C1orf21: variants seen among roughly 807,000 people sequenced by gnomAD.
C1orf21 encodes the protein chromosome 1 open reading frame 21.
C1orf21 carries 3 observed loss-of-function variants against 18.7 expected under a neutral mutation model. The ratio of observed to expected loss-of-function variants is 0.16; its 90% CI spans 0.07 to 0.42. The LOEUF (loss-of-function observed/expected upper bound fraction) is 0.42. C1orf21 is among the 10% of genes least tolerant of loss of function. C1orf21 has a pLI of 0.99. For synonymous variants in C1orf21, 41 were observed against 46.4 expected, an observed-to-expected ratio of 0.88 and a Z score of 0.47; for missense variants, 104 against 143.6, an observed-to-expected ratio of 0.72 and a Z score of 1.41.
intron 5 of C1orf21, among the ~76,000 whole-genome samples, chr1:184,616,172 AC>A (rs1466819289): frequency 1.3e-5 from 2 of 152,178 alleles, no homozygotes; most frequent in African/African-American, 2.4e-5. Flanking sequence ...GCCATATCTT[AC>A]TTTCAATGTG....
At chr1:184,480,086 C>G (rs942631481) in intron 2 of C1orf21, among the ~76,000 whole-genome samples, 21 of 152,042 alleles carry the variant, frequency 1.4e-4, no homozygotes, top group African/African-American at 5.1e-4. Context: ...GCCAAATGCC[C>G]GAAGAGGAAA....
At chr1:184,498,553 G>A (rs1319376677) in intron 2 of C1orf21, among the ~76,000 whole-genome samples, 1 of 152,142 alleles carries the variant, frequency 6.6e-6, no homozygotes, top group Non-Finnish European at 1.5e-5. Context: ...AACTACAGAT[G>A]AGTCAGCAGA....
At chr1:184,599,991 A>G (rs920564056) in intron 5 of C1orf21, among the ~76,000 whole-genome samples, 10 of 152,218 alleles carry the variant, frequency 6.6e-5, no homozygotes, top group Admixed American at 1.3e-4. Flanking sequence ...CACTGAAACG[A>G]TGAAGATCTT....
rs1304665904 is a variant in C1orf21 at position 184,410,627 on chromosome 1, ATATATATATATATATATATAT to A, written c.-125+23260_-125+23280del. On this transcript the variant is annotated intron_variant, in intron 1 of 5. Transcript: ENST00000235307. Reference sequence around the variant, plus strand: ...AATTTGCCATATATATTATATATATATATATATATATATATATATATATATATATATATATATTTTTTTTTT... The same window carrying A: ...AATTTGCCATATATATTATATATATAATATATATATATATATTTTTTTTTT... Among the ~76,000 whole-genome samples the A allele has an allele frequency of 8.1e-3, 26 of 3,196 alleles. 4 individuals carry two copies. Among genetic ancestry groups the A allele is most frequent in the Middle Eastern group, 0.17 (1 of 6 alleles). The allele number at this position is 3,196 out of a possible 152,430, so 2.1% of individuals were successfully genotyped here.
intron 3 of C1orf21, among the ~76,000 whole-genome samples, chr1:184,511,151 A>G (rs1884200): frequency 0.52 from 79,764 of 151,988 alleles, 21,357 homozygotes; most frequent in African/African-American, 0.65. Flanking sequence ...TAAGGTATCC[A>G]TCCATTCATT....
chr1:184,530,437 A>AATG (rs912362374), intron 3 of C1orf21, among the ~76,000 whole-genome samples: 8 of 151,818 alleles, frequency 5.3e-5, no homozygotes, highest in Non-Finnish European at 1.2e-4. Flanking sequence ...TGATGAAGGC[A>AATG]ATGATGATGA....
rs1260145280 is a variant in C1orf21 at position 184,488,972 on chromosome 1, AG to A, written c.94+11370del. On this transcript the variant is annotated intron_variant, in intron 2 of 5. Coordinates refer to ENST00000235307, the MANE Select transcript of C1orf21 (RefSeq NM_030806.4). ...AGAGCGAGACTCTGTCTCAAGAAAA[AG>A]AAAAGAAAAGAAACTGTAAAAGTAC... is the stretch of plus-strand genomic sequence containing the variant. Among the ~76,000 whole-genome samples, 853 of 152,180 alleles carry A rather than the reference AG, an allele frequency of 5.6e-3. 3 individuals are homozygous for A. The highest frequency in any genetic ancestry group is 0.011 in the South Asian group (53 of 4,820).
At chr1:184,445,702 A>G (rs1211005429) in intron 1 of C1orf21, among the ~76,000 whole-genome samples, 4 of 152,120 alleles carry the variant, frequency 2.6e-5, no homozygotes, top group Non-Finnish European at 4.4e-5. Flanking sequence ...AGAGCTGGTT[A>G]ATGCAATGCA....
intron 1 of C1orf21, among the ~76,000 whole-genome samples, chr1:184,449,201 C>G (rs1476527608): frequency 2.9e-5 from 4 of 139,422 alleles, no homozygotes; most frequent in Non-Finnish European, 6.2e-5. Context: ...CCTCCCCCTT[C>G]CCCCCACCCT....
intron 3 of C1orf21, among the ~76,000 whole-genome samples, chr1:184,565,433 G>A (rs910180958): frequency 1.3e-5 from 2 of 152,230 alleles, no homozygotes; most frequent in African/African-American, 4.8e-5. Flanking sequence ...AAGTGGCAGA[G>A]TCTAGCTTTT....
rs145207709 is a variant in C1orf21, at chr1:184,581,109, T to C, written c.190-9630T>C. Among the ~76,000 whole-genome samples the C allele has an allele frequency of 6.2e-3, 949 of 152,192 alleles. 10 individuals carry two copies. Among genetic ancestry groups the C allele is most frequent in the African/African-American group, 0.022 (900 of 41,520 alleles). On this transcript the variant is annotated intron_variant, in intron 3 of 5. Coordinates refer to ENST00000235307, the MANE Select transcript of C1orf21 (RefSeq NM_030806.4). ...AGAGCCATCCTGCAGCCTGTGCTGG[T>C]CGTGTAGTGTGTGCAGGAGATAAAC...
chr1:184,458,063 T>C (rs886844905), intron 1 of C1orf21, among the ~76,000 whole-genome samples: 1 of 152,220 alleles, frequency 6.6e-6, no homozygotes, highest in African/African-American at 2.4e-5. Flanking sequence ...CTGGGTCTCA[T>C]AGTTGGTACA....
intron 1 of C1orf21, among the ~76,000 whole-genome samples, chr1:184,397,592 A>AAG (rs1656081024): frequency 1.2e-5 from 1 of 82,074 alleles, no homozygotes; most frequent in Admixed American, 1.1e-4. Flanking sequence ...TCTGAAAAAG[A>AAG]AAAAAAAACA....
At chr1:184,444,131 C>T (rs1656992616) in intron 1 of C1orf21, among the ~76,000 whole-genome samples, 1 of 152,156 alleles carries the variant, frequency 6.6e-6, no homozygotes, top group East Asian at 1.9e-4. Flanking sequence ...GCCTAATTGT[C>T]AGCCTCTGCA....
intron 3 of C1orf21, among the ~76,000 whole-genome samples, chr1:184,586,484 C>T (rs1181372393): frequency 1.3e-5 from 2 of 151,850 alleles, no homozygotes; most frequent in Non-Finnish European, 1.5e-5. Flanking sequence ...GGGGTTTCAC[C>T]GTGTTAGCCA....
intron 3 of C1orf21, among the ~76,000 whole-genome samples, chr1:184,563,241 T>C (rs1373899896): frequency 6.6e-6 from 1 of 152,248 alleles, no homozygotes; most frequent in Non-Finnish European, 1.5e-5. Context: ...TGTTGTGTTA[T>C]CTTTTAATCA....
At chr1:184,558,264 A>G (rs1377140649) in intron 3 of C1orf21, among the ~76,000 whole-genome samples, 1 of 152,174 alleles carries the variant, frequency 6.6e-6, no homozygotes, top group African/African-American at 2.4e-5. Flanking sequence ...AGCTTCTACC[A>G]TGTATGTCAC....
intron 3 of C1orf21, among the ~76,000 whole-genome samples, chr1:184,511,229 G>A (rs1658138865): frequency 6.6e-6 from 1 of 152,046 alleles, no homozygotes; most frequent in African/African-American, 2.4e-5. Context: ...GTTAAACCAT[G>A]GATCATACAA....
rs1030545527 is a variant in C1orf21 at position 184,628,204 on chromosome 1, C to G, written c.*8648C>G. The G allele has an allele frequency of 1.3e-5, 2 of 152,114 alleles. No homozygotes were observed. The highest frequency in any genetic ancestry group is 4.8e-5 in the African/African-American group (2 of 41,406). 9.4% of individuals were successfully genotyped at this position (152,114 alleles called of 1,614,324 possible). On this transcript the variant is annotated 3_prime_UTR_variant, in exon 6 of 6. Coordinates refer to ENST00000235307, the MANE Select transcript of C1orf21 (RefSeq NM_030806.4). Reference sequence around the variant, plus strand: ...TGAATTCTCCAAAGCAGTGGGCCCCCATCTGTTTCAATTACACATGCCTGT... The same window carrying G: ...TGAATTCTCCAAAGCAGTGGGCCCCGATCTGTTTCAATTACACATGCCTGT...
Sources: gnomAD v4.1 joint callset for allele counts (sites outside exome capture counted in the v4.1 genomes callset) on GRCh38, gnomAD v4.1.1 for gene constraint, MANE v1.5 for transcripts, NCBI Gene and HGNC (gene_info 2026-07-23, HGNC 2026-07-21) for gene names.